Variants in CCBE1 observed in about 807,000 individuals in gnomAD.
The protein encoded by CCBE1 is collagen and calcium-binding EGF domain-containing protein 1.
A neutral mutation model predicts 50.0 loss-of-function variants in CCBE1; 37 were observed. That is an observed-to-expected ratio of 0.74 (90% confidence interval 0.57 to 0.97). The LOEUF is 0.97. Ranked by LOEUF, CCBE1 falls within the 50% of genes least tolerant of loss-of-function variation. The pLI is 0.00. For synonymous variants in CCBE1, 234 were observed against 203.7 expected, an observed-to-expected ratio of 1.15 and a Z score of -1.27; for missense variants, 538 against 523.8, an observed-to-expected ratio of 1.03 and a Z score of -0.26.
At chr18:59,643,078 G>A (rs1215156660) in intron 2 of CCBE1, among the ~76,000 whole-genome samples, 2 of 152,140 alleles carry the variant, frequency 1.3e-5, no homozygotes, top group Middle Eastern at 3.2e-3. Flanking sequence ...GGATGGCTGA[G>A]TGGATGGTAC....
chr18:59,637,610 G>C (rs1403535475), intron 2 of CCBE1, among the ~76,000 whole-genome samples: 1 of 152,148 alleles, frequency 6.6e-6, no homozygotes, highest in Non-Finnish European at 1.5e-5. Flanking sequence ...CCTCTGGAGA[G>C]ATTAATGAGG....
chr18:59,697,191 G>C lies in CCBE1; in HGVS notation c.131+21C>G, dbSNP rs111942859. The C allele has an allele frequency of 4.7e-5, 72 of 1,548,120 alleles. No homozygotes were observed. The Admixed American group carries it at 5.9e-4, about 13-fold the overall frequency. On this transcript the variant is annotated intron_variant, in intron 1 of 10. Transcript: ENST00000439986. Reference sequence around the variant, plus strand: ...CGCATCAAGCAGGAGCTCGCCCTCCGCTGGGGCTTGCAGCGCTTACCTGTC... The same window carrying C: ...CGCATCAAGCAGGAGCTCGCCCTCCCCTGGGGCTTGCAGCGCTTACCTGTC...
intron 2 of CCBE1, among the ~76,000 whole-genome samples, chr18:59,507,208 C>T (rs2144283446): frequency 6.6e-6 from 1 of 152,314 alleles, no homozygotes; most frequent in East Asian, 1.9e-4. Flanking sequence ...ATCTCATTCC[C>T]CTAAACCATC....
chr18:59,672,027 T>A (rs2054439202), intron 2 of CCBE1, among the ~76,000 whole-genome samples: 1 of 152,144 alleles, frequency 6.6e-6, no homozygotes, highest in African/African-American at 2.4e-5. Context: ...GTGGAGACTG[T>A]CCATTCACAT....
upstream of CCBE1, chr18:59,697,554 A>G (rs2054829653): frequency 1.6e-6 from 1 of 635,602 alleles, no homozygotes; most frequent in Admixed American, 3.0e-5. Flanking sequence ...CAAACCCAGC[A>G]GAGAAGCAGG....
intron 2 of CCBE1, among the ~76,000 whole-genome samples, chr18:59,546,472 G>T (rs952247508): frequency 1.3e-5 from 2 of 152,206 alleles, no homozygotes; most frequent in African/African-American, 4.8e-5. Context: ...TTATCTTTGT[G>T]TAGCTCCCTC....
intron 7 of CCBE1, among the ~76,000 whole-genome samples, chr18:59,444,586 G>T (rs1012604421): frequency 6.6e-5 from 10 of 151,538 alleles, no homozygotes; most frequent in African/African-American, 2.2e-4. Context: ...TTGTTTTCAT[G>T]GCTCACTGTA....
Position 59,439,456 on chromosome 18 carries a change from G to T in CCBE1, c.951+87C>A. ...CACTCCAGCCTGGGTGACAGAGCAA[G>T]ACCATCTCAAAAAACAAAAACAAAA... On this transcript the variant is annotated intron_variant, in intron 9 of 10. Transcript: ENST00000439986. 2.7e-6 allele frequency: 4 copies of T among 1,500,974 alleles called. No homozygotes were observed. The South Asian group carries it at 4.5e-5, about 17-fold the overall frequency. The allele number at this position is 1,500,974 out of a possible 1,614,324, so 93.0% of individuals were successfully genotyped here.
intron 2 of CCBE1, chr18:59,688,475 CAT>C (rs1302638140): frequency 6.6e-6 from 1 of 152,170 alleles, no homozygotes; most frequent in African/African-American, 2.4e-5. Context: ...CAAACCCTAA[CAT>C]GTTGAAATGT....
chr18:59,436,614 A>G (rs1910170257), intron 10 of CCBE1, among the ~76,000 whole-genome samples: 1 of 152,224 alleles, frequency 6.6e-6, no homozygotes, highest in Admixed American at 6.5e-5. Flanking sequence ...TGTAGGATTC[A>G]TAAGTGAGGA....
intron 2 of CCBE1, 128 bp downstream of exon 2, chr18:59,696,501 C>T (rs901746197): frequency 6.4e-7 from 1 of 1,550,980 alleles, no homozygotes; most frequent in East Asian, 2.3e-5. Flanking sequence ...GCGGCACGCA[C>T]CCAGCAGGTT....
intron 2 of CCBE1, among the ~76,000 whole-genome samples, chr18:59,579,991 G>C (rs971480609): frequency 8.5e-5 from 13 of 152,148 alleles, no homozygotes; most frequent in Admixed American, 7.2e-4. Context: ...AATTTGAGAA[G>C]AGCAAATCAC....
chr18:59,635,049 C>T (rs2053897557), intron 2 of CCBE1, among the ~76,000 whole-genome samples: 1 of 152,162 alleles, frequency 6.6e-6, no homozygotes, highest in African/African-American at 2.4e-5. Flanking sequence ...ACAAGAAATT[C>T]CAACTGAGGA....
intron 7 of CCBE1, among the ~76,000 whole-genome samples, chr18:59,444,031 A>G (rs1910562941): frequency 6.6e-6 from 1 of 152,226 alleles, no homozygotes; most frequent in Admixed American, 6.5e-5. Context: ...TTAGCCTAAT[A>G]TCCTTAAGAT....
At chr18:59,676,282 CTGT>C (rs1452837762) in intron 2 of CCBE1, among the ~76,000 whole-genome samples, 2 of 152,198 alleles carry the variant, frequency 1.3e-5, no homozygotes, top group African/African-American at 4.8e-5. Flanking sequence ...CTCTTGGGCA[CTGT>C]TGTTTTCGCC....
intron 2 of CCBE1, among the ~76,000 whole-genome samples, chr18:59,605,044 C>T (rs898751846): frequency 3.9e-5 from 6 of 152,186 alleles, no homozygotes; most frequent in African/African-American, 1.4e-4. Flanking sequence ...GCAATGCCCT[C>T]ATGAGAGCAT....
At chr18:59,610,770 C>A (rs1485094578) in intron 2 of CCBE1, among the ~76,000 whole-genome samples, 1 of 131,762 alleles carries the variant, frequency 7.6e-6, no homozygotes, top group Non-Finnish European at 1.7e-5. Context: ...GAGCCTCACA[C>A]AGAGGCCAAA....
At chr18:59,586,599 G>C (rs759082284) in intron 2 of CCBE1, among the ~76,000 whole-genome samples, 4 of 152,184 alleles carry the variant, frequency 2.6e-5, no homozygotes, top group Non-Finnish European at 4.4e-5. Flanking sequence ...CTACGGCCAA[G>C]GAGGAAAGAA....
intron 2 of CCBE1, among the ~76,000 whole-genome samples, chr18:59,487,622 C>T (rs1365987353): frequency 6.6e-6 from 1 of 152,134 alleles, no homozygotes; most frequent in Non-Finnish European, 1.5e-5. Context: ...AAATCCCCTC[C>T]ACCCACCACC....
Sources: gnomAD v4.1 joint callset for allele counts (sites outside exome capture counted in the v4.1 genomes callset) on GRCh38, gnomAD v4.1.1 for gene constraint, MANE v1.5 for transcripts, NCBI Gene and HGNC (gene_info 2026-07-23, HGNC 2026-07-21) for gene names.